Variants in SRBD1 observed in about 807,000 individuals in gnomAD.
SRBD1 encodes the protein S1 RNA-binding domain-containing protein 1.
SRBD1 carries 88 observed loss-of-function variants against 115.3 expected under a neutral mutation model. The observed-to-expected ratio is 0.76, with a 90% CI of 0.64 to 0.91. The LOEUF (loss-of-function observed/expected upper bound fraction) is 0.91. Among genes scored for constraint, SRBD1 ranks in the 40% least tolerant of loss-of-function variants. The pLI, the probability that SRBD1 is intolerant of heterozygous loss-of-function variation, is 0.00. For synonymous variants in SRBD1, 509 were observed against 407.7 expected (o/e 1.25, Z -2.99); for missense variants, 1,385 against 1,177.4 (o/e 1.18, Z -2.58).
intron 14 of SRBD1, among the ~76,000 whole-genome samples, chr2:45,535,471 C>T (rs185295824): frequency 1.3e-4 from 20 of 152,052 alleles, no homozygotes; most frequent in African/African-American, 4.6e-4. Context: ...TCCAAGATTA[C>T]ACTCAGTCAT....
chr2:45,510,056 T>C (rs568399824), intron 14 of SRBD1, among the ~76,000 whole-genome samples: 3 of 152,304 alleles, frequency 2.0e-5, no homozygotes, highest in East Asian at 1.9e-4. Context: ...CAAACACCTA[T>C]TTCATTTCTA....
chr2:45,489,480 GAGA>G (rs1382683452), intron 14 of SRBD1, among the ~76,000 whole-genome samples: 1 of 152,146 alleles, frequency 6.6e-6, no homozygotes, highest in African/African-American at 2.4e-5. Context: ...ACCACAACTT[GAGA>G]AGATTATTCT....
chr2:45,432,002 AGTAT>A (rs1668352707), intron 16 of SRBD1, among the ~76,000 whole-genome samples: 2 of 105,496 alleles, frequency 1.9e-5, no homozygotes, highest in Non-Finnish European at 3.9e-5. Flanking sequence ...AAGAGTTAAA[AGTAT>A]TTATTTATTT....
At chr2:45,497,362 C>T (rs1201791550) in intron 14 of SRBD1, among the ~76,000 whole-genome samples, 1 of 152,206 alleles carries the variant, frequency 6.6e-6, no homozygotes, top group Non-Finnish European at 1.5e-5. Flanking sequence ...TCAAACCCTT[C>T]CTGCAGTTAC....
chr2:45,451,794 CA>C (rs1435969435), intron 16 of SRBD1, among the ~76,000 whole-genome samples: 1 of 151,284 alleles, frequency 6.6e-6, no homozygotes, highest in Admixed American at 6.6e-5. Context: ...CTCTCAACAC[CA>C]ATGCAATTGT....
intron 14 of SRBD1, among the ~76,000 whole-genome samples, chr2:45,541,613 T>C (rs1428080338): frequency 2.0e-5 from 3 of 152,168 alleles, no homozygotes; most frequent in Non-Finnish European, 4.4e-5. Flanking sequence ...AATGAGTGTC[T>C]AGCTCTCAGC....
At chr2:45,462,510 C>G (rs932638560) in intron 16 of SRBD1, among the ~76,000 whole-genome samples, 1 of 152,084 alleles carries the variant, frequency 6.6e-6, no homozygotes, top group African/African-American at 2.4e-5. Context: ...AAAGAATATA[C>G]ACTTTTTAAT....
Position 45,389,432 on chromosome 2 carries a change from G to A in SRBD1, c.2866C>T (p.Leu956Phe), listed in dbSNP as rs762166504. The change falls in exon 21 of 21, where the codon CTT becomes TTT. Residue 956 changes from leucine (L) to phenylalanine (F), a missense_variant. Transcript: ENST00000263736. ...IPIRNVTEAK[L>F]SKTKKRRSLG... The stretch of plus-strand genomic sequence containing the variant: ...CTTCTTCTCTTCTTTGTTTTTGAAA[G>A]TTTTGCTTCTGTTACATTTCGTATG... 1 of 1,614,018 alleles carries A rather than the reference G, an allele frequency of 6.2e-7. No homozygotes were observed. The highest frequency in any genetic ancestry group is 1.7e-5 in the Admixed American group (1 of 59,998).
At chr2:45,507,944 A>G (rs1670845513) in intron 14 of SRBD1, among the ~76,000 whole-genome samples, 2 of 152,128 alleles carry the variant, frequency 1.3e-5, no homozygotes, top group African/African-American at 4.8e-5. Context: ...CAAAATAAAT[A>G]AATAAATAAA....
rs918135846 is a variant in SRBD1, at chr2:45,418,564, C to T, written c.2157-23G>A. The T allele has an allele frequency of 6.4e-6, 10 of 1,562,932 alleles. No homozygotes were observed. The East Asian group carries it at 2.1e-4, about 33-fold the overall frequency. On this transcript the variant is annotated intron_variant, in intron 17 of 20. Transcript: ENST00000263736. ...TGCCTAGAAAAAAAAAATAAGCAAA[C>T]TGAAAAAAAGATCTCATCTGAAAAG... is the stretch of plus-strand genomic sequence containing the variant.
chr2:45,545,683 G>C (rs1468676041), intron 14 of SRBD1, among the ~76,000 whole-genome samples: 2 of 152,216 alleles, frequency 1.3e-5, no homozygotes, highest in East Asian at 3.8e-4. Context: ...ACCAGAGAAA[G>C]AGGGAAAAAT....
intron 16 of SRBD1, among the ~76,000 whole-genome samples, chr2:45,455,628 C>T (rs908853049): frequency 6.6e-6 from 1 of 151,822 alleles, no homozygotes; most frequent in Non-Finnish European, 1.5e-5. Context: ...ACTTCCCTGT[C>T]ACCCCCCTTC....
At chr2:45,413,933 A>C (rs996804336) in intron 18 of SRBD1, among the ~76,000 whole-genome samples, 2 of 151,888 alleles carry the variant, frequency 1.3e-5, no homozygotes, top group African/African-American at 4.8e-5. Context: ...GACTGTCTCA[A>C]AAAAAAAGAA....
chr2:45,562,736 T>C lies in SRBD1; in HGVS notation c.1326A>G (p.Gly442=). The C allele has an allele frequency of 6.2e-7, 1 of 1,608,622 alleles. No individual in the cohort carries two copies. Among genetic ancestry groups the C allele is most frequent in the Admixed American group, 1.7e-5 (1 of 58,318 alleles). Residue 442 remains glycine, a synonymous_variant, in exon 10 of 21, where the codon GGA becomes GGG. Coordinates refer to ENST00000263736, the MANE Select transcript of SRBD1 (RefSeq NM_018079.5). ...TAACCGTCAGTACCTTCAAATTTTC[T>C]CCACGGTTAATTGCCAGAATCTGAG... ...HHHQILAINR[G]ENLKVLTVKV...
intron 9 of SRBD1, among the ~76,000 whole-genome samples, chr2:45,567,610 GAAA>G (rs1243302196): frequency 9.5e-6 from 1 of 105,280 alleles, no homozygotes; most frequent in Admixed American, 9.4e-5. Context: ...TACTGTCTAA[GAAA>G]AAAAAAAAAA....
At chr2:45,605,292 G>C (rs1456177005) in intron 2 of SRBD1, 70 bp downstream of exon 2, 15 of 1,448,722 alleles carry the variant, frequency 1.0e-5, no homozygotes, top group Non-Finnish European at 1.2e-5. Flanking sequence ...GTTAGAAAGT[G>C]ACAGAATGCA....
chr2:45,543,505 T>C (rs189557700), intron 14 of SRBD1, among the ~76,000 whole-genome samples: 216 of 152,292 alleles, frequency 1.4e-3, no homozygotes, highest in African/African-American at 5.0e-3. Context: ...GATGAGTGGC[T>C]GACAAGATTA....
At chr2:45,471,378 T>C (rs965893225) in intron 16 of SRBD1, among the ~76,000 whole-genome samples, 1 of 152,166 alleles carries the variant, frequency 6.6e-6, no homozygotes, top group Non-Finnish European at 1.5e-5. Context: ...CATTATTAAA[T>C]CTTCCTTGAA....
intron 16 of SRBD1, among the ~76,000 whole-genome samples, chr2:45,459,793 C>G (rs1170001601): frequency 3.3e-5 from 5 of 152,074 alleles, no homozygotes; most frequent in Non-Finnish European, 7.4e-5. Context: ...AGTAGCTAAA[C>G]CAAGGTCCAT....
Sources: gnomAD v4.1 joint callset for allele counts (sites outside exome capture counted in the v4.1 genomes callset) on GRCh38, gnomAD v4.1.1 for gene constraint, MANE v1.5 for transcripts, NCBI Gene and HGNC (gene_info 2026-07-23, HGNC 2026-07-21) for gene names.